CES5A: variants seen among roughly 807,000 people sequenced by gnomAD.
CES5A encodes the protein carboxylesterase 5A, also known as carboxylesterase 5.
A neutral mutation model predicts 62.9 loss-of-function variants in CES5A; 67 were observed. The ratio of observed to expected loss-of-function variants is 1.07; its 90% confidence interval spans 0.88 to 1.31. The LOEUF (loss-of-function observed/expected upper bound fraction) is 1.31. CES5A is among the 50% of genes most tolerant of loss of function. The pLI is 0.00. For missense variants in CES5A, 748 were observed against 708.5 expected (o/e 1.06, Z -0.63); for synonymous variants, 296 against 280.8 (o/e 1.05, Z -0.54).
In CES5A at chr16:55,866,098, A is replaced by G; in HGVS notation, c.570T>C (p.Ala190=). The G allele has an allele frequency of 6.2e-7, 1 of 1,613,508 alleles. No homozygotes were observed. Among genetic ancestry groups the G allele is most frequent in the Admixed American group, 1.7e-5 (1 of 59,970 alleles). The part of the protein sequence containing the change: ...FGFFTTWDQH[A]PGNWAFKDQV... ...GGTCCTTGAAGGCCCAGTTCCCCGG[A>G]GCATGCTGATCCCATGTGCTGAGGA... is the stretch of plus-strand genomic sequence containing the variant. The change falls in exon 5 of 13, where the codon GCT becomes GCC. Residue 190 remains alanine (A), a synonymous_variant. Coordinates refer to ENST00000290567, the MANE Select transcript of CES5A (RefSeq NM_001143685.2).
In CES5A at chr16:55,859,625, T is replaced by C. The variant is rs1478625900; in HGVS notation, c.978A>G (p.Leu326=). ...TTGCTTTAAATGCTTTCTGAGACAA[T>C]AGATCTAGAGGCTCATTAGGAAAGA... The part of the protein sequence containing the change: ...GAFFPNEPLD[L]LSQKAFKAIP... The change falls in exon 8 of 13, where the codon CTA becomes CTG. Residue 326 remains leucine, a synonymous_variant. Coordinates refer to ENST00000290567, the MANE Select transcript of CES5A (RefSeq NM_001143685.2). 5 of 1,613,442 alleles carry C rather than the reference T, an allele frequency of 3.1e-6. No individual in the cohort carries two copies. The African/African-American group carries it at 5.3e-5, about 17-fold the overall frequency.
chr16:55,901,914 C>A (rs770642052), intron 1 of CES5A, among the ~76,000 whole-genome samples: 1 of 152,136 alleles, frequency 6.6e-6, no homozygotes, highest in African/African-American at 2.4e-5. Context: ...TCTGTTAGCA[C>A]GTGGTTTAGC....
chr16:55,883,495 G>A (rs745827592), intron 1 of CES5A, among the ~76,000 whole-genome samples: 4 of 152,064 alleles, frequency 2.6e-5, no homozygotes, highest in Non-Finnish European at 4.4e-5. Flanking sequence ...GGATGGTCTC[G>A]ATGTCTTGAC....
chr16:55,948,343 G>C (rs2034518856), intron 2 of CES5A, among the ~76,000 whole-genome samples: 1 of 152,186 alleles, frequency 6.6e-6, no homozygotes, highest in African/African-American at 2.4e-5. Flanking sequence ...GTGAAAAGGA[G>C]GGGGCAGAGG....
chr16:55,874,679 A>G (rs949864278), intron 1 of CES5A, among the ~76,000 whole-genome samples: 3 of 152,218 alleles, frequency 2.0e-5, no homozygotes, highest in African/African-American at 7.2e-5. Flanking sequence ...TTCCAGGAGC[A>G]TAAAGATGGC....
chr16:55,882,665 C>T (rs2033773984), intron 1 of CES5A, among the ~76,000 whole-genome samples: 1 of 152,236 alleles, frequency 6.6e-6, no homozygotes, highest in African/African-American at 2.4e-5. Flanking sequence ...GCTGCCTTCA[C>T]ATACCAAGGA....
intron 11 of CES5A, among the ~76,000 whole-genome samples, chr16:55,848,087 CA>C (rs2033052191): frequency 6.6e-6 from 1 of 151,892 alleles, no homozygotes; most frequent in Non-Finnish European, 1.5e-5. Context: ...AGACTACACA[CA>C]TTTTTTTTTA....
upstream of CES5A, among the ~76,000 whole-genome samples, chr16:55,876,452 A>G (rs1323728155): frequency 2.6e-5 from 4 of 152,220 alleles, no homozygotes; most frequent in Non-Finnish European, 5.9e-5. Flanking sequence ...CCAAAGTAAG[A>G]CAAACAGGAA....
upstream of CES5A, among the ~76,000 whole-genome samples, chr16:55,875,793 T>C (rs1034688064): frequency 1.1e-4 from 17 of 152,196 alleles, no homozygotes; most frequent in Non-Finnish European, 1.9e-4. Context: ...TTATATTATT[T>C]CCCCTCTGGC....
chr16:55,906,011 G>A (rs1490532539), intron 1 of CES5A, among the ~76,000 whole-genome samples: 2 of 152,128 alleles, frequency 1.3e-5, no homozygotes, highest in East Asian at 1.9e-4. Context: ...AAGACTCAGA[G>A]AAGTTAAGCT....
At chr16:55,852,379 G>A (rs2033150572) in intron 10 of CES5A, among the ~76,000 whole-genome samples, 1 of 152,124 alleles carries the variant, frequency 6.6e-6, no homozygotes, top group South Asian at 2.1e-4. Flanking sequence ...ATTGGGATTT[G>A]TTTGGTGATC....
chr16:55,891,040 CA>C (rs1359833821), intron 1 of CES5A, among the ~76,000 whole-genome samples: 1 of 152,042 alleles, frequency 6.6e-6, no homozygotes, highest in Non-Finnish European at 1.5e-5. Context: ...TTATCTGCTC[CA>C]CCCTGACTCA....
intron 4 of CES5A, among the ~76,000 whole-genome samples, chr16:55,867,217 G>A (rs1450568867): frequency 6.6e-6 from 1 of 152,192 alleles, no homozygotes; most frequent in East Asian, 1.9e-4. Context: ...CTGTGAGCCT[G>A]CTGTCAGGAA....
rs35379811 is a variant in CES5A at position 55,874,478 on chromosome 16, C to CTT, written c.74-443_74-442dup. Among the ~76,000 whole-genome samples the CTT allele has an allele frequency of 7.1e-3, 1,048 of 146,738 alleles. 6 individuals carry two copies. The highest frequency in any genetic ancestry group is 9.0e-3 in the Non-Finnish European group (597 of 66,332). ...GCAGCACCTGCATGATTGCTGGCTTCTTTTTTTTTTTTCTTAAAATTTAAT... is the reference window on the plus strand; with the variant it reads ...GCAGCACCTGCATGATTGCTGGCTTCTTTTTTTTTTTTTTCTTAAAATTTAAT... On this transcript the variant is annotated intron_variant, in intron 1 of 12. Transcript: ENST00000290567.
At chr16:55,881,461 A>C (rs762974578) in intron 1 of CES5A, among the ~76,000 whole-genome samples, 29 of 152,220 alleles carry the variant, frequency 1.9e-4, no homozygotes, top group Non-Finnish European at 3.5e-4. Flanking sequence ...ATTTATTAGC[A>C]CAAGAGCACA....
intron 1 of CES5A, among the ~76,000 whole-genome samples, chr16:55,907,985 T>C (rs996324322): frequency 6.6e-6 from 1 of 152,156 alleles, no homozygotes. Flanking sequence ...CTCTCAAAAC[T>C]GTTAGAAAAT....
intron 2 of CES5A, among the ~76,000 whole-genome samples, chr16:55,937,154 A>T (rs768583224): frequency 3.9e-5 from 6 of 152,176 alleles, no homozygotes; most frequent in Non-Finnish European, 8.8e-5. Flanking sequence ...GTCCTTCAAG[A>T]CCCACCTCAA....
chr16:55,945,775 C>T (rs2034488538), intron 2 of CES5A, among the ~76,000 whole-genome samples: 1 of 152,126 alleles, frequency 6.6e-6, no homozygotes, highest in South Asian at 2.1e-4. Context: ...TTTTAACAAG[C>T]GATTCAGAAA....
At chr16:55,948,245 G>T (rs2031404419) in intron 2 of CES5A, among the ~76,000 whole-genome samples, 1 of 151,990 alleles carries the variant, frequency 6.6e-6, no homozygotes, top group Non-Finnish European at 1.5e-5. Flanking sequence ...AGATGGGCAG[G>T]CCGAGAAAGG....
Sources: gnomAD v4.1 joint callset for allele counts (sites outside exome capture counted in the v4.1 genomes callset) on GRCh38, gnomAD v4.1.1 for gene constraint, MANE v1.5 for transcripts, NCBI Gene and HGNC (gene_info 2026-07-23, HGNC 2026-07-21) for gene names.